The following UGT1A9 variants were observed in gnomAD, a reference collection of about 807,000 sequenced individuals.
UGT1A9 encodes the protein UDP glucuronosyltransferase family 1 member A9, also known as UDP-glucuronosyltransferase 1A9.
UGT1A9 carries 35 observed loss-of-function variants against 45.0 expected under a neutral mutation model. The ratio of observed to expected loss-of-function variants is 0.78; its 90% CI spans 0.59 to 1.03. UGT1A9 has a LOEUF of 1.03. UGT1A9 is among the 50% of genes least tolerant of loss of function. The pLI is 0.00. For synonymous variants in UGT1A9, 278 were observed against 250.6 expected, an observed-to-expected ratio of 1.11 and a Z score of -1.03; for missense variants, 687 against 666.6, an observed-to-expected ratio of 1.03 and a Z score of -0.34.
intron 1 of UGT1A9, chr2:233,743,868 C>T (rs1183331531): frequency 8.0e-6 from 11 of 1,367,072 alleles, no homozygotes; most frequent in East Asian, 4.5e-5. Context: ...TTGATGGCCT[C>T]GGATGAGGCC....
At chr2:233,723,956 C>G (rs1367171435) in intron 1 of UGT1A9, among the ~76,000 whole-genome samples, 1 of 55,390 alleles carries the variant, frequency 1.8e-5, no homozygotes, top group Non-Finnish European at 3.1e-5. Flanking sequence ...GGCAACCATC[C>G]GATTTCTCAA....
At chr2:233,738,879 G>A (rs1446343091) in intron 1 of UGT1A9, 1 of 152,238 alleles carries the variant, frequency 6.6e-6, no homozygotes, top group Admixed American at 6.5e-5. Context: ...TCCAGGGCAT[G>A]TCAGAGACCT....
chr2:233,689,703 C>T (rs1005426384), intron 1 of UGT1A9, among the ~76,000 whole-genome samples: 2 of 152,156 alleles, frequency 1.3e-5, no homozygotes, highest in African/African-American at 4.8e-5. Flanking sequence ...CGTTATTTCC[C>T]CTTATCTGAG....
chr2:233,746,538 T>G (rs575149330), intron 1 of UGT1A9, among the ~76,000 whole-genome samples: 26 of 151,796 alleles, frequency 1.7e-4, no homozygotes, highest in Non-Finnish European at 3.5e-4. Flanking sequence ...GCTGCCCTGC[T>G]GTGTGACTTC....
chr2:233,725,053 G>A (rs551262473), intron 1 of UGT1A9, among the ~76,000 whole-genome samples: 1,532 of 147,698 alleles, frequency 0.01, 141 homozygotes, highest in African/African-American at 0.035. Flanking sequence ...CAGGCGTGGC[G>A]GCGCGCGCCT....
chr2:233,718,731 G>A lies in UGT1A9; in HGVS notation c.855+45942G>A, dbSNP rs1001779280. On this transcript the variant is annotated intron_variant, in intron 1 of 4. Transcript: ENST00000354728. ...CCAATTACATGCTGATTTGCTAGGT[G>A]GCTCAATGACAAGGTAATTAAGGCG... 17 of 1,611,218 alleles carry A rather than the reference G, an allele frequency of 1.1e-5. No homozygotes were observed. In the Admixed American group the frequency reaches 2.7e-4, roughly 25 times the overall value.
intron 1 of UGT1A9, chr2:233,747,109 G>A: frequency 7.1e-7 from 1 of 1,400,096 alleles, no homozygotes; most frequent in Non-Finnish European, 9.7e-7. Context: ...CCAATTACAT[G>A]ATGATTTGCT....
chr2:233,700,968 T>C (rs2075602743), intron 1 of UGT1A9, among the ~76,000 whole-genome samples: 1 of 150,460 alleles, frequency 6.6e-6, no homozygotes, highest in South Asian at 2.1e-4. Flanking sequence ...GAACATGCGG[T>C]GTTTGATTTT....
intron 1 of UGT1A9, among the ~76,000 whole-genome samples, chr2:233,760,062 T>A (rs957059658): frequency 6.6e-5 from 10 of 152,144 alleles, no homozygotes; most frequent in African/African-American, 2.4e-4. Context: ...AGAATGTGAT[T>A]TGAGTATGAA....
At chr2:233,717,988 A>G (rs2076619845) in intron 1 of UGT1A9, 1 of 440,500 alleles carries the variant, frequency 2.3e-6, no homozygotes. Context: ...AGGAATTCAG[A>G]CTGTGCAAGA....
At position 233,754,406 on chromosome 2, in the gene UGT1A9, A is replaced by G. The variant is rs1695474785; in HGVS notation, c.856-12628A>G. The G allele has an allele frequency of 8.8e-6, 3 of 341,438 alleles. No individual in the cohort carries two copies. The Admixed American group carries it at 1.2e-4, about 14-fold the overall frequency. The allele number at this position is 341,438 out of a possible 1,614,324, so 21.2% of individuals were successfully genotyped here. A position where few individuals can be genotyped will look rare whatever the true frequency, so the allele number is the denominator to read the frequency against. ...ACAGAGGTCCTATCCGTGCAGTCCC[A>G]ACAATAAAGACAGGCATTGGCATAA... On this transcript the variant is annotated intron_variant, in intron 1 of 4. Transcript: ENST00000354728.
At chr2:233,711,952 C>A (rs2076206674) in intron 1 of UGT1A9, among the ~76,000 whole-genome samples, 1 of 152,208 alleles carries the variant, frequency 6.6e-6, no homozygotes, top group Non-Finnish European at 1.5e-5. Context: ...ACGTTTAATT[C>A]TCCATTTTGA....
At position 233,772,461 on chromosome 2, in the gene UGT1A9, G is replaced by A. The variant is rs764439291; in HGVS notation, c.1495G>A (p.Val499Met). The change falls in exon 5 of 5, where the codon GTG becomes ATG. Residue 499 changes from valine (V) to methionine (M), a missense_variant. Coordinates refer to ENST00000354728, the MANE Select transcript of UGT1A9 (RefSeq NM_021027.3). ...IGFLLAVVLT[V>M]AFITFKCCAY... is the part of the protein sequence containing the mutation. ...TTTCCTCTTGGCCGTCGTGCTGACAGTGGCCTTCATCACCTTTAAATGTTG... is the reference window on the plus strand; with the variant it reads ...TTTCCTCTTGGCCGTCGTGCTGACAATGGCCTTCATCACCTTTAAATGTTG... 6.2e-7 allele frequency: 1 copy of A among 1,614,184 alleles called. No homozygotes were observed. Among genetic ancestry groups the A allele is most frequent in the Non-Finnish European group, 8.5e-7 (1 of 1,180,040 alleles).
chr2:233,684,766 A>T (rs182124602), intron 1 of UGT1A9, among the ~76,000 whole-genome samples: 38 of 152,314 alleles, frequency 2.5e-4, no homozygotes, highest in Non-Finnish European at 4.9e-4. Flanking sequence ...TTCAGATCAT[A>T]AAGAGTGCCC....
intron 1 of UGT1A9, chr2:233,743,520 G>C (rs759007678): frequency 7.3e-7 from 1 of 1,367,248 alleles, no homozygotes; most frequent in South Asian, 1.1e-5. Context: ...CTCTGCTTCT[G>C]CTTCCCCAGC....
At chr2:233,745,951 T>G (rs946594198) in intron 1 of UGT1A9, among the ~76,000 whole-genome samples, 1 of 151,238 alleles carries the variant, frequency 6.6e-6, no homozygotes, top group African/African-American at 2.4e-5. Context: ...GTTGGGCAAC[T>G]GGGGGACAGG....
intron 1 of UGT1A9, among the ~76,000 whole-genome samples, chr2:233,757,643 G>A (rs955610345): frequency 6.7e-6 from 1 of 150,102 alleles, no homozygotes; most frequent in African/African-American, 2.5e-5. Context: ...AGAACAAAAT[G>A]CTGTTTTTCT....
chr2:233,755,408 A>G (rs886813938), intron 1 of UGT1A9: 6 of 332,530 alleles, frequency 1.8e-5, no homozygotes, highest in Non-Finnish European at 2.9e-5. Flanking sequence ...TCATTGGCCG[A>G]GGCCTGTGAG....
intron 1 of UGT1A9, among the ~76,000 whole-genome samples, chr2:233,684,047 C>T (rs1428470134): frequency 1.1e-4 from 17 of 152,174 alleles, no homozygotes; most frequent in Admixed American, 1.0e-3. Context: ...CCAGGTGAAA[C>T]ACCTGGTGTC....
Sources: allele counts gnomAD v4.1 joint callset (sites outside exome capture counted in the v4.1 genomes callset), GRCh38; gene constraint gnomAD v4.1.1; transcripts MANE v1.5; gene names NCBI Gene and HGNC (gene_info 2026-07-23, HGNC 2026-07-21).